CAD: variants seen among roughly 807,000 people sequenced by gnomAD.
The protein encoded by CAD is multifunctional protein CAD.
Under a neutral mutation model 237.2 loss-of-function variants are expected in CAD, and 81 were observed. The observed-to-expected ratio is 0.34, with a 90% CI of 0.29 to 0.41. The LOEUF (loss-of-function observed/expected upper bound fraction) is 0.41, where lower values mean the gene tolerates loss of function less well. Ranked by LOEUF, CAD falls within the 10% of genes least tolerant of loss-of-function variation. CAD has a pLI of 1.00. For missense variants in CAD, 2,181 were observed against 2,951.7 expected (o/e 0.74, Z 6.05); for synonymous variants, 1,196 against 1,162.8 (o/e 1.03, Z -0.58).
In CAD at chr2:27,235,102, G is replaced by A; in HGVS notation, c.3787-143G>A. The A allele has an allele frequency of 1.4e-6, 1 of 717,124 alleles. No homozygotes were observed. Among genetic ancestry groups the A allele is most frequent in the South Asian group, 2.1e-5 (1 of 46,806 alleles). The allele number at this position is 717,124 out of a possible 1,614,324, so 44.4% of individuals were successfully genotyped here. ...CTGAGGGATGACCCCAAGTACGTTT[G>A]GAAAGCAGGAGGGCACACAGAGAGG... On this transcript the variant is annotated intron_variant, in intron 23 of 43. Transcript: ENST00000264705. This position sits in a 1 kb window ranked among gnomAD's most constrained non-coding sequence, Gnocchi z 5.2.
chr2:27,222,062 G>A (rs1572422978), intron 3 of CAD, 132 bp from the exon 4 acceptor site: 1 of 825,216 alleles, frequency 1.2e-6, no homozygotes, highest in East Asian at 2.5e-5. Context: ...TGTCACAATG[G>A]CCCAGGATTT....
chr2:27,243,205 G>C lies in CAD; in HGVS notation c.6488G>C (p.Gly2163Ala), dbSNP rs1310129641. The change falls in exon 43 of 44, where the codon GGT becomes GCT. Residue 2163 changes from glycine (G) to alanine (A), a missense_variant. Coordinates refer to ENST00000264705, the MANE Select transcript of CAD (RefSeq NM_004341.5). ...ACCCCATCTGCTTTGCAGTGCTTTGGTCAGTTCATCCTCACTCCCCACATC... is the reference window on the plus strand; with the variant it reads ...ACCCCATCTGCTTTGCAGTGCTTTGCTCAGTTCATCCTCACTCCCCACATC... ...GSTQEYEACF[G>A]QFILTPHIMT... 6.2e-7 allele frequency: 1 copy of C among 1,614,010 alleles called. No homozygotes were observed.
At position 27,237,969 on chromosome 2, in the gene CAD, A is replaced by T; in HGVS notation, c.4728+87A>T. The T allele has an allele frequency of 1.9e-6, 3 of 1,581,698 alleles. No individual in the cohort carries two copies. The highest frequency in any genetic ancestry group is 2.6e-6 in the Non-Finnish European group (3 of 1,161,084). ...CCTAAGTGGGCTGGTAGCAGTGAGG[A>T]TTCAGGGGAGCTCCTGGGGACTCTG... On this transcript the variant is annotated intron_variant, in intron 29 of 43. Coordinates refer to ENST00000264705, the MANE Select transcript of CAD (RefSeq NM_004341.5). The surrounding 1 kb of genome is among the most constrained non-coding windows in gnomAD (Gnocchi z 4.0).
chr2:27,232,576 C>G lies in CAD; in HGVS notation c.2774C>G (p.Thr925Ser), dbSNP rs975632395. The G allele has an allele frequency of 6.2e-7, 1 of 1,614,220 alleles. No homozygotes were observed. Among genetic ancestry groups the G allele is most frequent in the Non-Finnish European group, 8.5e-7 (1 of 1,180,040 alleles). ...CTATACCTAACGTATTGGGGCACCA[C>G]CCATGACCTCACCTTTCGAACACCT... ...NYLYLTYWGT[T>S]HDLTFRTPHV... The change falls in exon 18 of 44, where the codon ACC (threonine) becomes AGC (serine). Residue 925 changes from threonine (T) to serine (S), a missense_variant. Thr to Ser is a moderately conservative substitution (Grantham distance 58). Coordinates refer to ENST00000264705, the MANE Select transcript of CAD (RefSeq NM_004341.5). The surrounding 1 kb of genome is among the most constrained non-coding windows in gnomAD (Gnocchi z 4.1).
Position 27,233,929 on chromosome 2 carries a change from C to G in CAD, c.3400-79C>G. 3.9e-6 allele frequency: 6 copies of G among 1,544,018 alleles called. No individual in the cohort carries two copies. The highest frequency in any genetic ancestry group is 3.6e-6 in the Non-Finnish European group (4 of 1,124,510). On this transcript the variant is annotated intron_variant, in intron 21 of 43. Transcript: ENST00000264705. The surrounding 1 kb of genome is among the most constrained non-coding windows in gnomAD (Gnocchi z 6.3). ...TGGGAACAGTGGGCTATGTGGGGCT[C>G]GTTAAAGGAAGAGACAATCCTAGAG... is the stretch of plus-strand genomic sequence containing the variant.
intron 16 of CAD, 65 bp from the exon 17 acceptor site, chr2:27,231,915 T>C (rs1390141686): frequency 6.3e-7 from 1 of 1,596,168 alleles, no homozygotes; most frequent in South Asian, 1.1e-5. Flanking sequence ...CAAGAGCAGC[T>C]ACTTACGCTC....
chr2:27,238,374 T>C lies in CAD; in HGVS notation c.4861-57T>C, dbSNP rs1400399465. On this transcript the variant is annotated intron_variant, in intron 30 of 43. Transcript: ENST00000264705. The stretch of plus-strand genomic sequence containing the variant: ...GCAGGGATGTTGGCCATTGGGACTT[T>C]GTGTAGGGCAAGGCATATGGGTGGT... 3.3e-6 allele frequency: 5 copies of C among 1,504,952 alleles called. No homozygotes were observed. In the East Asian group the frequency reaches 9.1e-5, roughly 27 times the overall value. 93.2% of individuals were successfully genotyped at this position (1,504,952 alleles called of 1,614,324 possible).
chr2:27,225,803 G>A lies in CAD; in HGVS notation c.1719G>A (p.Glu573=), dbSNP rs755091920. 5.0e-6 allele frequency: 8 copies of A among 1,614,134 alleles called. No individual in the cohort carries two copies. In the South Asian group the frequency reaches 5.5e-5, roughly 11 times the overall value. ...LGSGFASNRE[E]LSALVAPAFA... is the part of the protein sequence containing the mutation. The stretch of plus-strand genomic sequence containing the variant: ...CTGGCTTTGCCTCTAACAGGGAGGA[G>A]CTCTCTGCTCTCGTGGCCCCAGCTT... Residue 573 remains glutamate, a synonymous_variant, in exon 12 of 44, where the codon GAG becomes GAA. Coordinates refer to ENST00000264705, the MANE Select transcript of CAD (RefSeq NM_004341.5).
At position 27,233,385 on chromosome 2, in the gene CAD, A is replaced by G; in HGVS notation, c.3065A>G (p.Asn1022Ser). 6.2e-7 allele frequency: 1 copy of G among 1,614,242 alleles called. No homozygotes were observed. The highest frequency in any genetic ancestry group is 8.5e-7 in the Non-Finnish European group (1 of 1,180,028). ...ILSMGGQLPN[N>S]MAMALHRQQC... The stretch of plus-strand genomic sequence containing the variant: ...TCCATGGGTGGACAGCTGCCCAACA[A>G]CATGGCCATGGCGTTGCATCGGCAG... Residue 1022 changes from asparagine (N) to serine (S), a missense_variant, in exon 20 of 44, where the codon AAC (asparagine) becomes AGC (serine). By Grantham distance (46) the Asn-to-Ser change is conservative. Coordinates refer to ENST00000264705, the MANE Select transcript of CAD (RefSeq NM_004341.5). The surrounding 1 kb of genome is among the most constrained non-coding windows in gnomAD (Gnocchi z 6.3).
In CAD at chr2:27,232,441, A is replaced by AT. The variant is rs768978262; in HGVS notation, c.2646-3dup. 18 of 1,613,722 alleles carry AT rather than the reference A, an allele frequency of 1.1e-5. No homozygotes were observed. The highest frequency in any genetic ancestry group is 1.7e-5 in the Admixed American group (1 of 59,972). Reference sequence around the variant, plus strand: ...GGCCTGTGTTTCAGACCCTTTTTCTATTTTAGCACAGAGCTGGCTGTTCGC... The same window carrying AT: ...GGCCTGTGTTTCAGACCCTTTTTCTATTTTTAGCACAGAGCTGGCTGTTCGC... On this transcript the variant is annotated splice_polypyrimidine_tract_variant and splice_region_variant and intron_variant, in intron 17 of 43. Transcript: ENST00000264705. The surrounding 1 kb of genome is among the most constrained non-coding windows in gnomAD (Gnocchi z 4.1).
In CAD at chr2:27,232,399, C is replaced by T. The variant is rs375430826; in HGVS notation, c.2646-49C>T. 1.9e-6 allele frequency: 3 copies of T among 1,610,658 alleles called. No individual in the cohort carries two copies. Among genetic ancestry groups the T allele is most frequent in the Middle Eastern group, 1.8e-4 (1 of 5,712 alleles). Reference sequence around the variant, plus strand: ...CCTGGGGTCTCAACCCTCTATCAGTCTGTACCCTACTCTCTGGGCCTGTGT... The same window carrying T: ...CCTGGGGTCTCAACCCTCTATCAGTTTGTACCCTACTCTCTGGGCCTGTGT... On this transcript the variant is annotated intron_variant, in intron 17 of 43. Transcript: ENST00000264705. This position sits in a 1 kb window ranked among gnomAD's most constrained non-coding sequence, Gnocchi z 4.1.
Position 27,232,553 on chromosome 2 carries a change from A to G in CAD, c.2751A>G (p.Leu917=), listed in dbSNP as rs1301138847. ...AAEWPAQTNY[L]YLTYWGTTHD... ...AGTGGCCAGCCCAGACAAATTACCT[A>G]TACCTAACGTATTGGGGCACCACCC... The change falls in exon 18 of 44, where the codon CTA becomes CTG. Residue 917 remains leucine (L), a synonymous_variant. Coordinates refer to ENST00000264705, the MANE Select transcript of CAD (RefSeq NM_004341.5). The surrounding 1 kb of genome is among the most constrained non-coding windows in gnomAD (Gnocchi z 4.1). 1 of 1,614,038 alleles carries G rather than the reference A, an allele frequency of 6.2e-7. No homozygotes were observed. Among genetic ancestry groups the G allele is most frequent in the Non-Finnish European group, 8.5e-7 (1 of 1,180,030 alleles).
chr2:27,231,936 A>G, intron 16 of CAD, 44 bp from the exon 17 acceptor site: 2 of 1,611,384 alleles, frequency 1.2e-6, no homozygotes, highest in South Asian at 1.1e-5. Flanking sequence ...AGGCTTTTAG[A>G]TGGGCTGGCA....
intron 3 of CAD, 65 bp from the exon 4 acceptor site, chr2:27,222,129 A>C: frequency 2.0e-6 from 3 of 1,518,410 alleles, no homozygotes; most frequent in Non-Finnish European, 2.7e-6. Flanking sequence ...GTGCTTCTGG[A>C]AGTCTAACCT....
intron 15 of CAD, among the ~76,000 whole-genome samples, chr2:27,228,498 A>G (rs1031440007): frequency 6.6e-6 from 1 of 152,242 alleles, no homozygotes; most frequent in African/African-American, 2.4e-5. Flanking sequence ...CTCAGGTGGG[A>G]GGATCGCTTG....
chr2:27,234,764 G>A, intron 23 of CAD, 79 bp downstream of exon 23: 1 of 1,387,006 alleles, frequency 7.2e-7, no homozygotes, highest in Non-Finnish European at 1.0e-6. Flanking sequence ...TTGTCAGTAT[G>A]TAAACCAGGC....
Position 27,237,912 on chromosome 2 carries a change from C to G in CAD, c.4728+30C>G, listed in dbSNP as rs761361363. The G allele has an allele frequency of 5.7e-6, 9 of 1,585,370 alleles. No individual in the cohort carries two copies. The African/African-American group carries it at 1.2e-4, about 21-fold the overall frequency. On this transcript the variant is annotated intron_variant, in intron 29 of 43. Transcript: ENST00000264705. The surrounding 1 kb of genome is among the most constrained non-coding windows in gnomAD (Gnocchi z 4.0). ...GGAGTGTGCATGTGGCAGGAGGCCA[C>G]CACCCAGTGTCTCCTGGCTTGTGGG...
In CAD at chr2:27,241,448, G is replaced by A. The variant is rs758737436; in HGVS notation, c.5883+52G>A. 48 of 1,571,330 alleles carry A rather than the reference G, an allele frequency of 3.1e-5. No homozygotes were observed. The highest frequency in any genetic ancestry group is 1.3e-4 in the East Asian group (6 of 44,676). On this transcript the variant is annotated intron_variant, in intron 38 of 43. Transcript: ENST00000264705. The surrounding 1 kb of genome is among the most constrained non-coding windows in gnomAD (Gnocchi z 4.6). ...CCAGGCCATCGCCTGCCCTTGGGCCGCATCAGCGCAGGGCCGCGCAGTGGT... is the reference window on the plus strand; with the variant it reads ...CCAGGCCATCGCCTGCCCTTGGGCCACATCAGCGCAGGGCCGCGCAGTGGT...
At chr2:27,238,836 T>C (rs1676153986) in intron 31 of CAD, among the ~76,000 whole-genome samples, 1 of 152,190 alleles carries the variant, frequency 6.6e-6, no homozygotes, top group African/African-American at 2.4e-5. Context: ...TGAGTAGAAC[T>C]GCAAGTGAAA....
Sources: allele counts gnomAD v4.1 joint callset (sites outside exome capture counted in the v4.1 genomes callset), GRCh38; gene constraint gnomAD v4.1.1; non-coding constraint Gnocchi (gnomAD v3.1); transcripts MANE v1.5; gene names NCBI Gene and HGNC (gene_info 2026-07-23, HGNC 2026-07-21).